BRAF: variants seen among roughly 807,000 people sequenced by gnomAD.
BRAF encodes serine/threonine-protein kinase B-raf.
A neutral mutation model predicts 104.6 loss-of-function variants in BRAF; 16 were observed. The observed-to-expected ratio is 0.15, with a 90% confidence interval of 0.10 to 0.23. The LOEUF (loss-of-function observed/expected upper bound fraction) is 0.23. Among genes scored for constraint, BRAF ranks in the 10% least tolerant of loss-of-function variants. The pLI, the probability that BRAF is intolerant of heterozygous loss-of-function variation, is 1.00. For missense variants in BRAF, 541 were observed against 937.3 expected, an observed-to-expected ratio of 0.58 and a Z score of 5.52; for synonymous variants, 310 against 341.6, an observed-to-expected ratio of 0.91 and a Z score of 1.02.
At position 140,720,415 on chromosome 7, in the gene BRAF, A is replaced by G. The variant is rs557138290; in HGVS notation, c.*6079T>C. On this transcript the variant is annotated 3_prime_UTR_variant, in exon 20 of 20. Coordinates refer to ENST00000644969, the MANE Select transcript of BRAF (RefSeq NM_001374258.1). ...ATGTAAACTAACATAACATGAAGAT[A>G]AATAAGACATAAAGGCTAGCCACTT... 2 of 1,062,648 alleles carry G rather than the reference A, an allele frequency of 1.9e-6. No individual in the cohort carries two copies. The highest frequency in any genetic ancestry group is 4.6e-5 in the South Asian group (1 of 21,946). The allele number at this position is 1,062,648 out of a possible 1,614,324, so 65.8% of individuals were successfully genotyped here.
intron 1 of BRAF, among the ~76,000 whole-genome samples, chr7:140,889,729 T>C (rs1313502392): frequency 6.6e-6 from 1 of 152,080 alleles, no homozygotes; most frequent in African/African-American, 2.4e-5. Flanking sequence ...AAGACAATAA[T>C]CCAAATTCAA....
intron 10 of BRAF, among the ~76,000 whole-genome samples, chr7:140,784,531 G>A (rs188370174): frequency 1.3e-4 from 20 of 152,244 alleles, no homozygotes; most frequent in Admixed American, 3.3e-4. Context: ...AGGGCTGAGA[G>A]AGCAAAAATC....
chr7:140,793,041 C>A (rs1279043405), intron 8 of BRAF, among the ~76,000 whole-genome samples: 1 of 151,990 alleles, frequency 6.6e-6, no homozygotes, highest in African/African-American at 2.4e-5. Flanking sequence ...AATATGGGCC[C>A]AAATGGCAGC....
chr7:140,744,760 G>C (rs964335489), intron 17 of BRAF, among the ~76,000 whole-genome samples: 1 of 152,054 alleles, frequency 6.6e-6, no homozygotes, highest in South Asian at 2.1e-4. Flanking sequence ...AAAGCCCCAT[G>C]TCATTCATTA....
chr7:140,735,921 C>T lies in BRAF; in HGVS notation c.2248-1151G>A, dbSNP rs142546220. Among the ~76,000 whole-genome samples the T allele has an allele frequency of 1.7e-4, 26 of 152,016 alleles. 1 individual carries two copies. In the East Asian group the frequency reaches 3.5e-3, roughly 20 times the overall value. ...AATCTTTATGATGATTAGTATAAGA[C>T]AAAGAAGTAAGCAGTTGCAAAAAAT... is the stretch of plus-strand genomic sequence containing the variant. On this transcript the variant is annotated intron_variant, in intron 18 of 19. Coordinates refer to ENST00000644969, the MANE Select transcript of BRAF (RefSeq NM_001374258.1).
At chr7:140,913,185 TA>T (rs1817195631) in intron 1 of BRAF, among the ~76,000 whole-genome samples, 1 of 152,128 alleles carries the variant, frequency 6.6e-6, no homozygotes, top group South Asian at 2.1e-4. Context: ...CCACAGCACT[TA>T]TTACCTTTGA....
chr7:140,851,037 G>A (rs1809105360), intron 1 of BRAF, among the ~76,000 whole-genome samples: 1 of 152,154 alleles, frequency 6.6e-6, no homozygotes, highest in African/African-American at 2.4e-5. Context: ...AGAAAAGGGG[G>A]AAAAATTAAG....
chr7:140,813,646 T>C (rs2129050786), intron 3 of BRAF, among the ~76,000 whole-genome samples: 1 of 152,286 alleles, frequency 6.6e-6, no homozygotes, highest in South Asian at 2.1e-4. Context: ...TTAAATACAC[T>C]ATAGTACATC....
intron 14 of BRAF, among the ~76,000 whole-genome samples, chr7:140,765,774 G>A (rs1322122027): frequency 6.6e-6 from 1 of 152,094 alleles, no homozygotes; most frequent in African/African-American, 2.4e-5. Flanking sequence ...CAATTAGAAT[G>A]GCAATCATTA....
chr7:140,761,438 C>G (rs1386573323), intron 14 of BRAF, among the ~76,000 whole-genome samples: 1 of 151,912 alleles, frequency 6.6e-6, no homozygotes, highest in Admixed American at 6.6e-5. Context: ...AAAATCATGC[C>G]AAAATGTAAA....
chr7:140,805,669 A>C (rs1803587801), intron 5 of BRAF, among the ~76,000 whole-genome samples: 1 of 152,138 alleles, frequency 6.6e-6, no homozygotes, highest in Non-Finnish European at 1.5e-5. Flanking sequence ...GAAGACACTG[A>C]GTGTCTGCAG....
intron 9 of BRAF, among the ~76,000 whole-genome samples, chr7:140,786,060 A>C (rs1217698478): frequency 6.6e-6 from 1 of 152,244 alleles, no homozygotes; most frequent in Admixed American, 6.5e-5. Context: ...TTGTGATGCT[A>C]ACATGATGGC....
intron 19 of BRAF, chr7:140,733,293 T>C (rs1036740031): frequency 1.1e-4 from 17 of 152,332 alleles, no homozygotes; most frequent in African/African-American, 4.1e-4. Flanking sequence ...CAAGGAGGCA[T>C]TTATGCAGAT....
At chr7:140,739,589 T>C (rs990198141) in intron 18 of BRAF, among the ~76,000 whole-genome samples, 5 of 152,018 alleles carry the variant, frequency 3.3e-5, no homozygotes, top group Admixed American at 6.6e-5. Context: ...TGAGAACTGA[T>C]GGACAAATGC....
At chr7:140,808,395 T>C in intron 4 of BRAF, 1 of 429,070 alleles carries the variant, frequency 2.3e-6, no homozygotes. Flanking sequence ...TACGGACTTA[T>C]CTATCCATTC....
intron 1 of BRAF, among the ~76,000 whole-genome samples, chr7:140,855,283 G>A (rs1387185462): frequency 6.6e-6 from 1 of 151,966 alleles, no homozygotes; most frequent in Non-Finnish European, 1.5e-5. Context: ...AATCCTAAAA[G>A]GGAGATGAAA....
chr7:140,760,857 C>A (rs1430703339), intron 14 of BRAF, among the ~76,000 whole-genome samples: 1 of 151,976 alleles, frequency 6.6e-6, no homozygotes, highest in African/African-American at 2.4e-5. Context: ...TAAAAAGAAA[C>A]GAACAAAGCC....
At chr7:140,733,533 A>C (rs985053142) in intron 19 of BRAF, 2 of 152,232 alleles carry the variant, frequency 1.3e-5, no homozygotes, top group African/African-American at 4.8e-5. Context: ...TGTAAGTACT[A>C]AAGAACCCTA....
intron 1 of BRAF, among the ~76,000 whole-genome samples, chr7:140,913,554 C>G (rs1817253405): frequency 1.7e-5 from 2 of 120,898 alleles, no homozygotes; most frequent in Non-Finnish European, 3.2e-5. Context: ...GCGATCTTGG[C>G]TCACTGCAAC....
Sources: gnomAD v4.1 joint callset for allele counts (sites outside exome capture counted in the v4.1 genomes callset) on GRCh38, gnomAD v4.1.1 for gene constraint, MANE v1.5 for transcripts, NCBI Gene and HGNC (gene_info 2026-07-23, HGNC 2026-07-21) for gene names.